Variants in ADCY10 observed in about 807,000 individuals in gnomAD.
ADCY10 encodes the protein adenylate cyclase 10, also known as adenylate cyclase type 10.
A neutral mutation model predicts 183.3 loss-of-function variants in ADCY10; 156 were observed. The observed-to-expected ratio is 0.85, with a 90% CI of 0.75 to 0.97. ADCY10 has a LOEUF of 0.97. ADCY10 is among the 50% of genes least tolerant of loss of function. The probability of loss-of-function intolerance (pLI) is 0.00; values close to 1 mark genes in which losing one functional copy is unlikely to be tolerated. For synonymous variants in ADCY10, 645 were observed against 670.0 expected, an observed-to-expected ratio of 0.96 and a Z score of 0.58; for missense variants, 1,745 against 1,934.3, an observed-to-expected ratio of 0.90 and a Z score of 1.84.
At chr1:167,884,694 ATTTTT>A (rs71100911) in intron 8 of ADCY10, among the ~76,000 whole-genome samples, 2 of 108,626 alleles carry the variant, frequency 1.8e-5, no homozygotes, top group Non-Finnish European at 3.6e-5. Context: ...AATCATTTTA[ATTTTT>A]TTTTTTTTTT....
At chr1:167,878,778 C>T (rs982266018) in intron 11 of ADCY10, 143 bp from the exon 12 acceptor site, 27 of 846,668 alleles carry the variant, frequency 3.2e-5, no homozygotes, top group African/African-American at 2.0e-4. Context: ...AGTCTCAAGA[C>T]CCATATTCAG....
intron 25 of ADCY10, among the ~76,000 whole-genome samples, chr1:167,830,204 A>T (rs1166713527): frequency 6.6e-6 from 1 of 151,894 alleles, no homozygotes; most frequent in East Asian, 1.9e-4. Context: ...CAACATGTGG[A>T]TTATTATCAC....
chr1:167,899,297 A>G, intron 6 of ADCY10, 126 bp downstream of exon 6: 1 of 942,704 alleles, frequency 1.1e-6, no homozygotes, highest in South Asian at 1.4e-5. Context: ...AGCCTAACCC[A>G]GACTGACCCC....
chr1:167,810,661 G>T, intron 32 of ADCY10, 64 bp downstream of exon 32: 1 of 1,517,954 alleles, frequency 6.6e-7, no homozygotes, highest in South Asian at 1.1e-5. Context: ...CCAGGCAGTA[G>T]GCTTCTGGGC....
intron 14 of ADCY10, among the ~76,000 whole-genome samples, chr1:167,866,976 C>T (rs966161731): frequency 2.0e-5 from 3 of 152,156 alleles, no homozygotes; most frequent in Non-Finnish European, 4.4e-5. Flanking sequence ...ATAAAGTCCC[C>T]CCCATGCTGT....
chr1:167,847,227 A>G (rs1665109610), intron 19 of ADCY10, among the ~76,000 whole-genome samples: 1 of 151,976 alleles, frequency 6.6e-6, no homozygotes, highest in South Asian at 2.1e-4. Context: ...GCCTTCTTAC[A>G]TTAGTAGACA....
intron 6 of ADCY10, among the ~76,000 whole-genome samples, chr1:167,897,118 G>A (rs534113110): frequency 6.6e-6 from 1 of 151,254 alleles, no homozygotes; most frequent in Non-Finnish European, 1.5e-5. Context: ...AAGATCATGA[G>A]ACACATGTGA....
chr1:167,814,276 GATACTTT>G (rs1662385134), intron 31 of ADCY10, among the ~76,000 whole-genome samples: 1 of 151,816 alleles, frequency 6.6e-6, no homozygotes, highest in South Asian at 2.1e-4. Flanking sequence ...GATAGAAAAA[GATACTTT>G]ATACAAATAG....
In ADCY10 at chr1:167,837,292, AG is replaced by A. The variant is rs762639563; in HGVS notation, c.3033del (p.Ser1012GlnfsTer19). ...AATGCAGATGTCTCAGGAATCTCTGAGTTGGACAAGATAAGCTTTTCTTCAG... is the reference window on the plus strand; with the variant it reads ...AATGCAGATGTCTCAGGAATCTCTGATTGGACAAGATAAGCTTTTCTTCAG... The part of the protein sequence containing the change: ...FKTEEKLILS[N>X]SEIPETSAFF... On this transcript the variant is annotated frameshift_variant, in exon 22 of 33. Transcript: ENST00000367851. LOFTEE classifies it high-confidence loss of function. 6.2e-7 allele frequency: 1 copy of A among 1,614,078 alleles called. No individual in the cohort carries two copies. The highest frequency in any genetic ancestry group is 1.1e-5 in the South Asian group (1 of 91,084).
intron 6 of ADCY10, among the ~76,000 whole-genome samples, chr1:167,898,705 G>A (rs777890130): frequency 6.6e-6 from 1 of 152,126 alleles, no homozygotes; most frequent in Non-Finnish European, 1.5e-5. Flanking sequence ...TGAGGAGTGG[G>A]TGGTGGTGGT....
intron 14 of ADCY10, among the ~76,000 whole-genome samples, chr1:167,863,041 T>A (rs1371794194): frequency 6.6e-6 from 1 of 152,208 alleles, no homozygotes; most frequent in East Asian, 1.9e-4. Flanking sequence ...GACCTCTTAT[T>A]CTCTATCTCC....
intron 8 of ADCY10, among the ~76,000 whole-genome samples, chr1:167,891,542 G>C (rs749940347): frequency 6.6e-6 from 1 of 151,648 alleles, no homozygotes; most frequent in African/African-American, 2.4e-5. Context: ...TGTAGTCCCA[G>C]CTACTCAGGA....
rs569893171 is a variant in ADCY10, at chr1:167,810,780, C to T, written c.4616G>A (p.Arg1539Gln). Residue 1539 changes from arginine to glutamine, a missense_variant, in exon 32 of 33, where the codon CGG (arginine) becomes CAG (glutamine). Coordinates refer to ENST00000367851, the MANE Select transcript of ADCY10 (RefSeq NM_018417.6). Reference protein sequence around the residue: ...KCGLFLNTALRLSETQGNILE... With the variant: ...KCGLFLNTALQLSETQGNILE... Reference sequence around the variant, plus strand: ...TATATTCCCCTGTGTTTCAGAGAGCCGCAAGGCTGTGTTCAGGAAGAGGCC... The same window carrying T: ...TATATTCCCCTGTGTTTCAGAGAGCTGCAAGGCTGTGTTCAGGAAGAGGCC... The T allele has an allele frequency of 6.2e-5, 100 of 1,614,134 alleles. No homozygotes were observed. Among genetic ancestry groups the T allele is most frequent in the Non-Finnish European group, 7.8e-5 (92 of 1,180,026 alleles).
chr1:167,866,115 ATGTGTGG>A (rs1446220495), intron 14 of ADCY10, among the ~76,000 whole-genome samples: 7 of 152,156 alleles, frequency 4.6e-5, no homozygotes, highest in African/African-American at 1.7e-4. Context: ...CCCCAAGCGG[ATGTGTGG>A]TGGTATTGTG....
At position 167,818,278 on chromosome 1, in the gene ADCY10, A is replaced by G. The variant is rs1026784285; in HGVS notation, c.4287-11T>C. The G allele has an allele frequency of 1.2e-6, 2 of 1,612,026 alleles. No homozygotes were observed. The highest frequency in any genetic ancestry group is 1.7e-5 in the Admixed American group (1 of 60,008). On this transcript the variant is annotated splice_polypyrimidine_tract_variant and intron_variant, in intron 30 of 32. Transcript: ENST00000367851. ...TGAAGTCTGGCATACCTGCATTACCACAAGAGAATAAGAAAAATCAGTATC... is the reference window on the plus strand; with the variant it reads ...TGAAGTCTGGCATACCTGCATTACCGCAAGAGAATAAGAAAAATCAGTATC...
chr1:167,865,190 AG>A (rs761964722), intron 14 of ADCY10, among the ~76,000 whole-genome samples: 3 of 152,232 alleles, frequency 2.0e-5, no homozygotes, highest in Non-Finnish European at 4.4e-5. Context: ...TTTGGTAAAA[AG>A]ATTAGAAGGA....
Position 167,860,907 on chromosome 1 carries a change from C to G in ADCY10, c.1773G>C (p.Lys591Asn). ...RNKVMTLLDE[K>N]FYCLLNDIFH... ...AAATGTCATTAAGAAGACAGTAGAA[C>G]TTTTCATCCAACAGTGTCATGACTT... Residue 591 changes from lysine (K) to asparagine (N), a missense_variant, in exon 15 of 33, where the codon AAG becomes AAC. Coordinates refer to ENST00000367851, the MANE Select transcript of ADCY10 (RefSeq NM_018417.6). 1 of 1,614,134 alleles carries G rather than the reference C, an allele frequency of 6.2e-7. No individual in the cohort carries two copies. The highest frequency in any genetic ancestry group is 8.5e-7 in the Non-Finnish European group (1 of 1,180,008).
rs747997319 is a variant in ADCY10 at position 167,854,440 on chromosome 1, G to A, written c.2221C>T (p.Leu741Phe). Residue 741 changes from leucine (L) to phenylalanine (F), a missense_variant, in exon 18 of 33, where the codon CTT becomes TTT. Transcript: ENST00000367851. ...CGIPFYCEEL[L>F]KNLEHHEVLV... ...ACCTCATGATGTTCCAGGTTTTTAA[G>A]CAATTCTTCACAGTAAAATGGAATC... is the stretch of plus-strand genomic sequence containing the variant. The A allele has an allele frequency of 3.7e-6, 6 of 1,614,190 alleles. No individual in the cohort carries two copies. The highest frequency in any genetic ancestry group is 2.2e-5 in the East Asian group (1 of 44,880).
In ADCY10 at chr1:167,837,289, C is replaced by A; in HGVS notation, c.3037G>T (p.Glu1013Ter). 1 of 1,614,096 alleles carries A rather than the reference C, an allele frequency of 6.2e-7. No individual in the cohort carries two copies. Among genetic ancestry groups the A allele is most frequent in the Non-Finnish European group, 8.5e-7 (1 of 1,179,952 alleles). The change falls in exon 22 of 33, where the codon GAG becomes TAG. Residue 1013 changes from glutamate (E) to a stop codon, truncating the protein, a stop_gained. Coordinates refer to ENST00000367851, the MANE Select transcript of ADCY10 (RefSeq NM_018417.6). LOFTEE classifies it high-confidence loss of function. ...AAAAATGCAGATGTCTCAGGAATCT[C>A]TGAGTTGGACAAGATAAGCTTTTCT... ...TEEKLILSNSEIPETSAFFPE... is the reference protein window; with the variant it reads ...TEEKLILSNS
Sources: allele counts gnomAD v4.1 joint callset (sites outside exome capture counted in the v4.1 genomes callset), GRCh38; gene constraint gnomAD v4.1.1; transcripts MANE v1.5; gene names NCBI Gene and HGNC (gene_info 2026-07-23, HGNC 2026-07-21).